Variants in COG5 observed in about 807,000 individuals in gnomAD.
COG5 encodes conserved oligomeric Golgi complex subunit 5.
A neutral mutation model predicts 110.4 loss-of-function variants in COG5; 86 were observed. The observed-to-expected ratio is 0.78, with a 90% CI of 0.65 to 0.93. COG5 has a LOEUF of 0.93. COG5 is among the 40% of genes least tolerant of loss of function. The pLI is 0.00. For missense variants in COG5, 1,077 were observed against 987.0 expected (o/e 1.09, Z -1.22); for synonymous variants, 360 against 334.6 (o/e 1.08, Z -0.83).
At chr7:107,452,774 C>A (rs1471646110) in intron 6 of COG5, among the ~76,000 whole-genome samples, 1 of 152,144 alleles carries the variant, frequency 6.6e-6, no homozygotes, top group East Asian at 1.9e-4. Flanking sequence ...CACTGTCCTT[C>A]TTTTCTTGTA....
chr7:107,383,382 C>T (rs1012765977), intron 7 of COG5, among the ~76,000 whole-genome samples: 4 of 152,140 alleles, frequency 2.6e-5, no homozygotes, highest in Admixed American at 6.5e-5. Flanking sequence ...CGCAGGTGAG[C>T]GTGGCTCATT....
intron 14 of COG5, among the ~76,000 whole-genome samples, chr7:107,270,882 C>CTTCTTTTTTTTT (rs1804209746): frequency 1.5e-5 from 1 of 68,726 alleles, no homozygotes; most frequent in Non-Finnish European, 2.6e-5. Context: ...CTAACTAGAA[C>CTTCTTTTTTTTT]TTTTTTTTTT....
At chr7:107,242,295 G>A (rs1279125084) in intron 17 of COG5, among the ~76,000 whole-genome samples, 1 of 152,228 alleles carries the variant, frequency 6.6e-6, no homozygotes, top group Non-Finnish European at 1.5e-5. Context: ...GCAACACAGA[G>A]CCAGGGGAAC....
intron 6 of COG5, among the ~76,000 whole-genome samples, chr7:107,440,961 T>C (rs375127558): frequency 6.6e-6 from 1 of 152,002 alleles, no homozygotes; most frequent in South Asian, 2.1e-4. Context: ...TCTAAAGAAT[T>C]ATCAATCCCA....
intron 14 of COG5, 44 bp downstream of exon 14, chr7:107,281,256 T>G (rs779084985): frequency 1.2e-5 from 15 of 1,269,618 alleles, no homozygotes; most frequent in Non-Finnish European, 1.7e-5. Context: ...GTTAGTAATT[T>G]TAAATAAAAT....
intron 6 of COG5, among the ~76,000 whole-genome samples, chr7:107,429,731 A>G (rs1452969669): frequency 1.3e-5 from 2 of 152,166 alleles, no homozygotes; most frequent in Admixed American, 6.5e-5. Flanking sequence ...TCCTGTGACA[A>G]TGAATAAGTC....
At chr7:107,400,543 T>C (rs1791349625) in intron 7 of COG5, among the ~76,000 whole-genome samples, 1 of 152,162 alleles carries the variant, frequency 6.6e-6, no homozygotes. Context: ...CTAGAGTGAC[T>C]ACCAAATTTT....
At chr7:107,547,979 TA>T (rs1381560544) in intron 5 of COG5, 131 bp downstream of exon 5, 66 of 750,002 alleles carry the variant, frequency 8.8e-5, no homozygotes, top group Middle Eastern at 3.8e-4. Context: ...GGCTTTTTAG[TA>T]TTTTTTTCTC....
intron 21 of COG5, chr7:107,208,667 T>C: frequency 1.0e-6 from 1 of 985,494 alleles, no homozygotes; most frequent in Non-Finnish European, 1.2e-6. Context: ...CCGGGGCTGG[T>C]AACCTCTCCC....
chr7:107,457,632 T>C (rs1243084626), intron 6 of COG5, among the ~76,000 whole-genome samples: 5 of 152,144 alleles, frequency 3.3e-5, no homozygotes. Context: ...GGTTTCACCA[T>C]GTTAGCCAGG....
chr7:107,367,790 T>G lies in COG5; in HGVS notation c.835+4805A>C, dbSNP rs113042485. 8.0e-5 allele frequency among the ~76,000 whole-genome samples: 12 copies of G among 149,352 alleles called. 3 individuals carry two copies. The highest frequency in any genetic ancestry group is 3.0e-4 in the African/African-American group (12 of 40,448). On this transcript the variant is annotated intron_variant, in intron 8 of 21. Transcript: ENST00000297135. Reference sequence around the variant, plus strand: ...ACATTAGAGACTCAGAATGGGAGAGTAGGAGGGATGTGAGGGCTAAAAAAC... The same window carrying G: ...ACATTAGAGACTCAGAATGGGAGAGGAGGAGGGATGTGAGGGCTAAAAAAC...
At chr7:107,399,644 G>A (rs987023114) in intron 7 of COG5, among the ~76,000 whole-genome samples, 2 of 152,192 alleles carry the variant, frequency 1.3e-5, no homozygotes, top group South Asian at 2.1e-4. Flanking sequence ...TTACCCAGTC[G>A]TGGGTACGTC....
Position 107,347,602 on chromosome 7 carries a change from A to G in COG5, c.1026+14431T>C, listed in dbSNP as rs553152012. The stretch of plus-strand genomic sequence containing the variant: ...AGGATAGTGAATGTTCCCAACACAA[A>G]GAAATGATAAATGTTTGAGATGGAT... On this transcript the variant is annotated intron_variant, in intron 10 of 21. Coordinates refer to ENST00000297135, the MANE Select transcript of COG5 (RefSeq NM_006348.5). Among the ~76,000 whole-genome samples, 48 of 152,314 alleles carry G rather than the reference A, an allele frequency of 3.2e-4. 1 individual carries two copies. The highest frequency in any genetic ancestry group is 2.7e-3 in the Admixed American group (42 of 15,298).
At chr7:107,506,422 G>A (rs796586511) in intron 6 of COG5, among the ~76,000 whole-genome samples, 13 of 152,286 alleles carry the variant, frequency 8.5e-5, no homozygotes, top group African/African-American at 3.1e-4. Flanking sequence ...GGTCAGGCAG[G>A]TCCCTGCTCT....
Position 107,304,650 on chromosome 7 carries a change from G to A in COG5, c.1109-6304C>T, listed in dbSNP as rs148661651. Among the ~76,000 whole-genome samples the A allele has an allele frequency of 6.6e-5, 10 of 152,252 alleles. No individual in the cohort carries two copies. In the East Asian group the frequency reaches 1.9e-3, roughly 29 times the overall value. On this transcript the variant is annotated intron_variant, in intron 11 of 21. Coordinates refer to ENST00000297135, the MANE Select transcript of COG5 (RefSeq NM_006348.5). ...CAGAGTTGGAGCAATCTTAGGTCTT[G>A]TCTTAGTCTTGACTAGCTGTGCCTA...
At chr7:107,225,428 A>C (rs1015505742) in intron 19 of COG5, among the ~76,000 whole-genome samples, 25 of 152,244 alleles carry the variant, frequency 1.6e-4, no homozygotes, top group Admixed American at 4.6e-4. Context: ...AAACCCTAAA[A>C]AAAACCCCAA....
intron 12 of COG5, among the ~76,000 whole-genome samples, chr7:107,293,784 T>G (rs1362346674): frequency 6.6e-6 from 1 of 152,006 alleles, no homozygotes; most frequent in East Asian, 1.9e-4. Flanking sequence ...AAAATGTACA[T>G]GATGATGGCA....
At chr7:107,384,358 C>T (rs1815384641) in intron 7 of COG5, among the ~76,000 whole-genome samples, 1 of 152,118 alleles carries the variant, frequency 6.6e-6, no homozygotes, top group Admixed American at 6.5e-5. Context: ...GGAGAAACTC[C>T]AACCTGCCTG....
intron 10 of COG5, among the ~76,000 whole-genome samples, chr7:107,338,770 G>A (rs955819081): frequency 2.0e-5 from 3 of 151,964 alleles, no homozygotes; most frequent in Non-Finnish European, 4.4e-5. Flanking sequence ...CAAAAATAAC[G>A]TGATTTAAAA....
Sources: gnomAD v4.1 joint callset for allele counts (sites outside exome capture counted in the v4.1 genomes callset) on GRCh38, gnomAD v4.1.1 for gene constraint, MANE v1.5 for transcripts, NCBI Gene and HGNC (gene_info 2026-07-23, HGNC 2026-07-21) for gene names.